OLFML2A: variants seen among roughly 807,000 people sequenced by gnomAD.
OLFML2A encodes the protein olfactomedin-like protein 2A.
OLFML2A carries 47 observed loss-of-function variants against 60.9 expected under a neutral mutation model. The observed-to-expected ratio is 0.77, with a 90% confidence interval of 0.61 to 0.98. The LOEUF (loss-of-function observed/expected upper bound fraction) is 0.98, where lower values mean the gene tolerates loss of function less well. Ranked by LOEUF, OLFML2A falls within the 50% of genes least tolerant of loss-of-function variation. The probability of loss-of-function intolerance (pLI) is 0.00; values close to 1 mark genes in which losing one functional copy is unlikely to be tolerated. For missense variants in OLFML2A, 922 were observed against 879.8 expected, an observed-to-expected ratio of 1.05 and a Z score of -0.61; for synonymous variants, 372 against 375.0, an observed-to-expected ratio of 0.99 and a Z score of 0.09.
chr9:124,795,144 C>T lies in OLFML2A; in HGVS notation c.462+13C>T, dbSNP rs1388107968. ...CACACTGGAAGAGGTAAGGGCGGGGCTGCCGCCAGAGGCCAGGCTGCTCTG... is the reference window on the plus strand; with the variant it reads ...CACACTGGAAGAGGTAAGGGCGGGGTTGCCGCCAGAGGCCAGGCTGCTCTG... On this transcript the variant is annotated intron_variant, in intron 3 of 7. Transcript: ENST00000373580. 1 of 1,507,620 alleles carries T rather than the reference C, an allele frequency of 6.6e-7. No homozygotes were observed. The highest frequency in any genetic ancestry group is 9.1e-7 in the Non-Finnish European group (1 of 1,094,258). 93.4% of individuals were successfully genotyped at this position (1,507,620 alleles called of 1,614,324 possible). A position where few individuals can be genotyped will look rare whatever the true frequency, so the allele number is the denominator to read the frequency against.
chr9:124,778,814 A>T (rs1249859784), intron 1 of OLFML2A: 6 of 213,702 alleles, frequency 2.8e-5, no homozygotes, highest in Non-Finnish European at 4.7e-5. Flanking sequence ...AACAAAACAA[A>T]CAAAAAAAAA....
chr9:124,790,116 A>G (rs1405421150), intron 2 of OLFML2A, among the ~76,000 whole-genome samples: 4 of 152,178 alleles, frequency 2.6e-5, no homozygotes, highest in African/African-American at 9.7e-5. Context: ...GGAGAATCTG[A>G]GGCCCAAAGA....
rs1249420114 is a variant in OLFML2A, at chr9:124,814,707, A to T, written c.*4295A>T. 1 of 151,818 alleles carries T rather than the reference A, an allele frequency of 6.6e-6. No homozygotes were observed. The highest frequency in any genetic ancestry group is 1.5e-5 in the Non-Finnish European group (1 of 67,940). The allele number at this position is 151,818 out of a possible 1,614,324, so 9.4% of individuals were successfully genotyped here. A position where few individuals can be genotyped will look rare whatever the true frequency, so the allele number is the denominator to read the frequency against. ...TCAAATTCGAGACCCTTTTTTTTCC[A>T]ATTGTGCTGAGTCTCCTACTAGACT... On this transcript the variant is annotated 3_prime_UTR_variant, in exon 8 of 8. Transcript: ENST00000373580.
At chr9:124,781,768 C>G (rs895756908) in intron 1 of OLFML2A, among the ~76,000 whole-genome samples, 3 of 149,248 alleles carry the variant, frequency 2.0e-5, no homozygotes, top group African/African-American at 7.4e-5. Flanking sequence ...CACTCCAGCC[C>G]GGGCAACAGA....
At chr9:124,802,869 CAT>C (rs1841807583) in intron 5 of OLFML2A, among the ~76,000 whole-genome samples, 2 of 152,220 alleles carry the variant, frequency 1.3e-5, no homozygotes, top group African/African-American at 4.8e-5. Context: ...ACCAGACCAT[CAT>C]AGTAATAACA....
chr9:124,800,919 G>A (rs1205548778), intron 4 of OLFML2A: 1 of 1,541,624 alleles, frequency 6.5e-7, no homozygotes, highest in East Asian at 2.5e-5. Flanking sequence ...GTTTGCCTGG[G>A]ACTTGAGGGT....
At chr9:124,804,064 G>T (rs377500057) in intron 5 of OLFML2A, 30 bp from the exon 6 acceptor site, 1 of 1,609,664 alleles carries the variant, frequency 6.2e-7, no homozygotes, top group African/African-American at 1.3e-5. Flanking sequence ...GTGGTGCTGA[G>T]ATTTGAGCAC....
chr9:124,779,098 G>T lies in OLFML2A; in HGVS notation c.90+1738G>T, dbSNP rs1249516515. ...TGTACTCCAGAGACAAGGAGGGAATGAGTATTTTTTCTAATTTACAGGTGG... is the reference window on the plus strand; with the variant it reads ...TGTACTCCAGAGACAAGGAGGGAATTAGTATTTTTTCTAATTTACAGGTGG... On this transcript the variant is annotated intron_variant, in intron 1 of 7. Transcript: ENST00000373580. The surrounding 1 kb of genome is among the most constrained non-coding windows in gnomAD (Gnocchi z 4.1). 1.5e-5 allele frequency: 4 copies of T among 263,216 alleles called. No individual in the cohort carries two copies. Among genetic ancestry groups the T allele is most frequent in the East Asian group, 3.5e-4 (2 of 5,640 alleles). The allele number at this position is 263,216 out of a possible 1,614,324, so 16.3% of individuals were successfully genotyped here. A position where few individuals can be genotyped will look rare whatever the true frequency, so the allele number is the denominator to read the frequency against.
rs1841286121 is a variant in OLFML2A, at chr9:124,777,869, G to A, written c.90+509G>A. On this transcript the variant is annotated intron_variant, in intron 1 of 7. Transcript: ENST00000373580. This position sits in a 1 kb window ranked among gnomAD's most constrained non-coding sequence, Gnocchi z 6.2. Reference sequence around the variant, plus strand: ...TGGAGGACTAGGTAGCTCCAGAAGTGGTCTGAGCTGTTCTCTGCTGTGGCT... The same window carrying A: ...TGGAGGACTAGGTAGCTCCAGAAGTAGTCTGAGCTGTTCTCTGCTGTGGCT... Among the ~76,000 whole-genome samples, 1 of 152,166 alleles carries A rather than the reference G, an allele frequency of 6.6e-6. No individual in the cohort carries two copies. Among genetic ancestry groups the A allele is most frequent in the Non-Finnish European group, 1.5e-5 (1 of 68,018 alleles).
intron 4 of OLFML2A, chr9:124,801,181 G>A (rs1841767883): frequency 9.6e-7 from 1 of 1,043,130 alleles, no homozygotes; most frequent in Non-Finnish European, 1.4e-6. Flanking sequence ...AACCTATCAG[G>A]TTGGACTTCA....
rs1161331789 is a variant in OLFML2A at position 124,814,011 on chromosome 9, G to A, written c.*3599G>A. ...AAAGGAAGGCAAAGGAAGCTGTCTC[G>A]GGTGTTTCTGAACAACGTGACTCAT... On this transcript the variant is annotated 3_prime_UTR_variant, in exon 8 of 8. Transcript: ENST00000373580. 2 of 152,240 alleles carry A rather than the reference G, an allele frequency of 1.3e-5. No individual in the cohort carries two copies. Among genetic ancestry groups the A allele is most frequent in the East Asian group, 3.9e-4 (2 of 5,188 alleles). 9.4% of individuals were successfully genotyped at this position (152,240 alleles called of 1,614,324 possible). A position where few individuals can be genotyped will look rare whatever the true frequency, so the allele number is the denominator to read the frequency against.
chr9:124,794,168 G>A (rs1841620759), intron 2 of OLFML2A, among the ~76,000 whole-genome samples: 1 of 152,248 alleles, frequency 6.6e-6, no homozygotes, highest in Admixed American at 6.5e-5. Context: ...CATCCCCAGA[G>A]GATCTCTGGA....
rs186979728 is a variant in OLFML2A at position 124,804,757 on chromosome 9, G to T, written c.1168+415G>T. 1.7e-3 allele frequency among the ~76,000 whole-genome samples: 251 copies of T among 151,864 alleles called. 3 individuals carry two copies. The highest frequency in any genetic ancestry group is 0.011 in the South Asian group (51 of 4,788). On this transcript the variant is annotated intron_variant, in intron 6 of 7. Coordinates refer to ENST00000373580, the MANE Select transcript of OLFML2A (RefSeq NM_182487.4). ...ACAGTCTCACTCTGTCACCCAGGCT[G>T]CAGTGCAATGGTGAGATCTTGGCTC... is the stretch of plus-strand genomic sequence containing the variant.
In OLFML2A at chr9:124,811,040, C is replaced by G. The variant is rs555932891; in HGVS notation, c.*628C>G. The G allele has an allele frequency of 1.3e-5, 2 of 153,288 alleles. No individual in the cohort carries two copies. The highest frequency in any genetic ancestry group is 4.8e-5 in the African/African-American group (2 of 41,546). The allele number at this position is 153,288 out of a possible 1,614,324, so 9.5% of individuals were successfully genotyped here. On this transcript the variant is annotated 3_prime_UTR_variant, in exon 8 of 8. Coordinates refer to ENST00000373580, the MANE Select transcript of OLFML2A (RefSeq NM_182487.4). The stretch of plus-strand genomic sequence containing the variant: ...CTTTGGCCAGCCCCCTCAGCCCAGC[C>G]CACCCCACCCGCTGTCCGGCCACAT...
chr9:124,801,739 G>A, intron 5 of OLFML2A, 76 bp downstream of exon 5: 4 of 1,466,970 alleles, frequency 2.7e-6, no homozygotes, highest in Non-Finnish European at 3.7e-6. Flanking sequence ...CTTCTCTGCA[G>A]TGGGACCACC....
At chr9:124,783,574 CATG>C (rs1841401752) in intron 1 of OLFML2A, among the ~76,000 whole-genome samples, 1 of 152,208 alleles carries the variant, frequency 6.6e-6, no homozygotes, top group Non-Finnish European at 1.5e-5. Flanking sequence ...ACAACCACCT[CATG>C]ATGTGAAAGC....
At position 124,812,507 on chromosome 9, in the gene OLFML2A, G is replaced by A. The variant is rs78116342; in HGVS notation, c.*2095G>A. ...ATACACTTCTTTCAGGCATTGTCAG[G>A]TGCTGTTTTGTTTAAGCTCTAACTC... On this transcript the variant is annotated 3_prime_UTR_variant, in exon 8 of 8. Coordinates refer to ENST00000373580, the MANE Select transcript of OLFML2A (RefSeq NM_182487.4). The A allele has an allele frequency of 0.089, 13,581 of 152,258 alleles. 935 individuals carry two copies. The highest frequency in any genetic ancestry group is 0.23 in the East Asian group (1,182 of 5,156). 9.4% of individuals were successfully genotyped at this position (152,258 alleles called of 1,614,324 possible).
In OLFML2A at chr9:124,811,453, G is replaced by A. The variant is rs1842019006; in HGVS notation, c.*1041G>A. 6.5e-6 allele frequency: 1 copy of A among 152,804 alleles called. No homozygotes were observed. Among genetic ancestry groups the A allele is most frequent in the Non-Finnish European group, 1.5e-5 (1 of 68,126 alleles). 9.5% of individuals were successfully genotyped at this position (152,804 alleles called of 1,614,324 possible). A position where few individuals can be genotyped will look rare whatever the true frequency, so the allele number is the denominator to read the frequency against. On this transcript the variant is annotated 3_prime_UTR_variant, in exon 8 of 8. Transcript: ENST00000373580. ...TGAATAAGACCCTAGGCCCAAGTCT[G>A]GTGTGGTGCCAGGATGGCACAGTTT...
At chr9:124,809,245 C>G (rs1841955760) in intron 7 of OLFML2A, among the ~76,000 whole-genome samples, 1 of 152,116 alleles carries the variant, frequency 6.6e-6, no homozygotes, top group Non-Finnish European at 1.5e-5. Flanking sequence ...GCTTTCTGCT[C>G]AAGCAGCGCA....
Sources: gnomAD v4.1 joint callset for allele counts (sites outside exome capture counted in the v4.1 genomes callset) on GRCh38, gnomAD v4.1.1 for gene constraint, Gnocchi (gnomAD v3.1) non-coding constraint, MANE v1.5 for transcripts, NCBI Gene and HGNC (gene_info 2026-07-23, HGNC 2026-07-21) for gene names.